NPAT: variants seen among roughly 807,000 people sequenced by gnomAD.
NPAT encodes nuclear protein, coactivator of histone transcription.
A neutral mutation model predicts 130.7 loss-of-function variants in NPAT; 52 were observed. The observed-to-expected ratio is 0.40, with a 90% CI of 0.32 to 0.50. The LOEUF (loss-of-function observed/expected upper bound fraction) is 0.50. Among genes scored for constraint, NPAT ranks in the 20% least tolerant of loss-of-function variants. The pLI, the probability that NPAT is intolerant of heterozygous loss-of-function variation, is 0.68. For synonymous variants in NPAT, 580 were observed against 584.8 expected, an observed-to-expected ratio of 0.99 and a Z score of 0.12; for missense variants, 1,687 against 1,662.6, an observed-to-expected ratio of 1.01 and a Z score of -0.26.
At chr11:108,192,319 C>T in intron 3 of NPAT, 129 bp from the exon 4 acceptor site, 1 of 728,360 alleles carries the variant, frequency 1.4e-6, no homozygotes, top group South Asian at 1.5e-5. Flanking sequence ...AGAAATAAAT[C>T]TATGTTGTAA....
intron 12 of NPAT, among the ~76,000 whole-genome samples, chr11:108,174,809 C>T (rs980295807): frequency 1.4e-4 from 22 of 151,908 alleles, no homozygotes; most frequent in Admixed American, 1.3e-3. Context: ...AGTAGAGGCG[C>T]GGTTTCACCG....
At chr11:108,165,942 C>T (rs2077898755) in intron 15 of NPAT, among the ~76,000 whole-genome samples, 1 of 128,892 alleles carries the variant, frequency 7.8e-6, no homozygotes, top group Admixed American at 9.7e-5. Flanking sequence ...CCATACCTGG[C>T]TAATTTTTTA....
chr11:108,182,339 G>A (rs2078065891), intron 10 of NPAT, among the ~76,000 whole-genome samples: 1 of 152,154 alleles, frequency 6.6e-6, no homozygotes, highest in African/African-American at 2.4e-5. Flanking sequence ...ACCCTGGGTA[G>A]GCTGAAGCAT....
chr11:108,202,857 G>A (rs1357201047), intron 1 of NPAT, among the ~76,000 whole-genome samples: 1 of 152,120 alleles, frequency 6.6e-6, no homozygotes, highest in Admixed American at 6.6e-5. Context: ...GTTGGACACA[G>A]AAAGCCTCTG....
At chr11:108,209,339 C>T (rs1401418063) in intron 1 of NPAT, among the ~76,000 whole-genome samples, 1 of 152,086 alleles carries the variant, frequency 6.6e-6, no homozygotes, top group Non-Finnish European at 1.5e-5. Flanking sequence ...AGCATGGTGG[C>T]ATATGCCTAT....
At position 108,172,896 on chromosome 11, in the gene NPAT, T is replaced by G; in HGVS notation, c.2088A>C (p.Glu696Asp). 6.2e-7 allele frequency: 1 copy of G among 1,614,144 alleles called. No homozygotes were observed. The highest frequency in any genetic ancestry group is 8.5e-7 in the Non-Finnish European group (1 of 1,180,020). Residue 696 changes from glutamate (E) to aspartate (D), a missense_variant, in exon 13 of 18, where the codon GAA becomes GAC. By Grantham distance (45) the Glu-to-Asp change is conservative (BLOSUM62 2). This residue lies in a region of NPAT where 1,379 missense variants were observed against 1,346.6 expected (regional missense o/e 1.02). Transcript: ENST00000278612. ...ALTPPEGTPVENSHSLPPESV... is the reference protein window; with the variant it reads ...ALTPPEGTPVDNSHSLPPESV... ...ATTCTGGAGGAAGAGAGTGACTGTT[T>G]TCTACAGGAGTGCCTTCTGGAGGCG...
intron 17 of NPAT, 87 bp from the exon 18 acceptor site, chr11:108,159,106 T>C: frequency 1.3e-6 from 1 of 768,576 alleles, no homozygotes; most frequent in South Asian, 1.5e-5. Flanking sequence ...TATTGGGTTC[T>C]TTCACATACT....
intron 6 of NPAT, 77 bp from the exon 7 acceptor site, chr11:108,188,256 T>G: frequency 9.4e-7 from 1 of 1,060,654 alleles, no homozygotes; most frequent in Non-Finnish European, 1.5e-6. Flanking sequence ...TAAAAAGCAT[T>G]AGTGATTATT....
At chr11:108,190,410 T>C in intron 5 of NPAT, 50 bp downstream of exon 5, 1 of 1,384,084 alleles carries the variant, frequency 7.2e-7, no homozygotes, top group South Asian at 1.2e-5. Context: ...GTTCATCTGA[T>C]AGTTTAAGTT....
chr11:108,188,295 C>T (rs530040526), intron 6 of NPAT, 116 bp from the exon 7 acceptor site: 42 of 790,420 alleles, frequency 5.3e-5, no homozygotes, highest in Non-Finnish European at 9.1e-5. Context: ...TTAACATGTA[C>T]TGAGTGCCTA....
Position 108,181,492 on chromosome 11 carries a change from C to T in NPAT, c.906+3740G>A, listed in dbSNP as rs1202626698. Among the ~76,000 whole-genome samples, 4 of 151,962 alleles carry T rather than the reference C, an allele frequency of 2.6e-5. No homozygotes were observed. The East Asian group carries it at 7.7e-4, about 29-fold the overall frequency. ...AAAAAACAAAAACAAAAAAAACTTA[C>T]AGCTATCTATTGCACAACAATGTGA... is the stretch of plus-strand genomic sequence containing the variant. On this transcript the variant is annotated intron_variant, in intron 10 of 17. Coordinates refer to ENST00000278612, the MANE Select transcript of NPAT (RefSeq NM_002519.3).
At chr11:108,189,878 A>AC (rs1411248022) in intron 5 of NPAT, among the ~76,000 whole-genome samples, 1 of 151,450 alleles carries the variant, frequency 6.6e-6, no homozygotes, top group East Asian at 1.9e-4. Context: ...TCAAAAAAAA[A>AC]AAAAAACAAA....
At position 108,189,315 on chromosome 11, in the gene NPAT, C is replaced by A; in HGVS notation, c.347G>T (p.Gly116Val). Residue 116 changes from glycine to valine, a missense_variant, in exon 6 of 18, where the codon GGA (glycine) becomes GTA (valine). Gly to Val is a moderately radical substitution (Grantham distance 109, BLOSUM62 -3). Transcript: ENST00000278612. ...TCTCTGCCGTTTGATTTCTGCAATT[C>A]CAGTTCTCGTTCGGGCTGAAACATA... ...AGSQRARTRT[G>V]IAEIKRQRKL... 1 of 1,614,142 alleles carries A rather than the reference C, an allele frequency of 6.2e-7. No individual in the cohort carries two copies. The highest frequency in any genetic ancestry group is 8.5e-7 in the Non-Finnish European group (1 of 1,180,028).
intron 10 of NPAT, among the ~76,000 whole-genome samples, chr11:108,184,024 C>T (rs563270335): frequency 6.6e-6 from 1 of 151,594 alleles, no homozygotes; most frequent in Non-Finnish European, 1.5e-5. Flanking sequence ...AATCTTAAAA[C>T]ATAGACTGTT....
intron 10 of NPAT, among the ~76,000 whole-genome samples, chr11:108,184,601 G>A (rs151331686): frequency 1.3e-5 from 2 of 151,938 alleles, no homozygotes; most frequent in South Asian, 2.1e-4. Context: ...TGCGATCCCC[G>A]CTTACTGCAA....
intron 2 of NPAT, 57 bp from the exon 3 acceptor site, chr11:108,194,074 C>A: frequency 1.1e-6 from 1 of 928,802 alleles, no homozygotes; most frequent in South Asian, 1.4e-5. Context: ...AATAATTTCT[C>A]ACAAGAAAAG....
chr11:108,219,093 C>T (rs1015204924), intron 1 of NPAT, among the ~76,000 whole-genome samples: 12 of 152,186 alleles, frequency 7.9e-5, no homozygotes, highest in Non-Finnish European at 1.6e-4. Context: ...TACTGTATGA[C>T]ATAAAGCTTG....
intron 12 of NPAT, among the ~76,000 whole-genome samples, chr11:108,174,208 T>C (rs1348742958): frequency 6.6e-6 from 1 of 152,242 alleles, no homozygotes; most frequent in African/African-American, 2.4e-5. Context: ...TTCTTCTGAC[T>C]TTAATTTATC....
intron 1 of NPAT, among the ~76,000 whole-genome samples, chr11:108,199,957 G>T (rs773942549): frequency 6.6e-5 from 10 of 152,204 alleles, no homozygotes; most frequent in Non-Finnish European, 1.0e-4. Context: ...GCAAACCACA[G>T]TGATAATATT....
Sources: gnomAD v4.1 joint callset for allele counts (sites outside exome capture counted in the v4.1 genomes callset) on GRCh38, gnomAD v4.1.1 for gene constraint, gnomAD v4.1.1 regional missense constraint, MANE v1.5 for transcripts, NCBI Gene and HGNC (gene_info 2026-07-23, HGNC 2026-07-21) for gene names.